KIAA1549L: variants seen among roughly 807,000 people sequenced by gnomAD.
KIAA1549L encodes UPF0606 protein KIAA1549L.
KIAA1549L carries 88 observed loss-of-function variants against 160.7 expected under a neutral mutation model. The ratio of observed to expected loss-of-function variants is 0.55; its 90% CI spans 0.46 to 0.65. KIAA1549L has a LOEUF of 0.65. KIAA1549L is among the 30% of genes least tolerant of loss of function. The probability of loss-of-function intolerance (pLI) is 0.00; values close to 1 mark genes in which losing one functional copy is unlikely to be tolerated. For synonymous variants in KIAA1549L, 950 were observed against 976.7 expected (o/e 0.97, Z 0.51); for missense variants, 2,258 against 2,437.5 (o/e 0.93, Z 1.55).
At chr11:33,386,360 T>C (rs1850172536) in intron 1 of KIAA1549L, among the ~76,000 whole-genome samples, 1 of 152,198 alleles carries the variant, frequency 6.6e-6, no homozygotes, top group Non-Finnish European at 1.5e-5. Context: ...TATCTTTAGT[T>C]TGTAAAAAGA....
At chr11:33,535,664 C>G (rs949909648) in intron 1 of KIAA1549L, among the ~76,000 whole-genome samples, 1 of 151,902 alleles carries the variant, frequency 6.6e-6, no homozygotes, top group Non-Finnish European at 1.5e-5. Context: ...AGAGTGAGAC[C>G]CTGTCCCCCC....
chr11:33,548,817 C>T (rs569413572), intron 4 of KIAA1549L, among the ~76,000 whole-genome samples: 3 of 152,220 alleles, frequency 2.0e-5, no homozygotes, highest in Non-Finnish European at 4.4e-5. Context: ...ATTGCTGTGG[C>T]TTCTTCTTTT....
intron 1 of KIAA1549L, among the ~76,000 whole-genome samples, chr11:33,435,394 A>G (rs1851332259): frequency 6.6e-6 from 1 of 152,174 alleles, no homozygotes; most frequent in African/African-American, 2.4e-5. Context: ...AAGTGGGGCT[A>G]TAATTGAGAC....
rs115479068 is a variant in KIAA1549L, at chr11:33,492,091, T to G, written c.239-49711T>G. The stretch of plus-strand genomic sequence containing the variant: ...CATACATGCAAAATTTTGCTGCCAG[T>G]TGCGATGGCTCATGCCTGTAATCCC... On this transcript the variant is annotated intron_variant, in intron 1 of 20. Transcript: ENST00000658780. 2.4e-3 allele frequency among the ~76,000 whole-genome samples: 372 copies of G among 152,214 alleles called. 4 individuals are homozygous for G. The South Asian group carries it at 0.025, about 10-fold the overall frequency.
Position 33,609,951 on chromosome 11 carries a change from C to G in KIAA1549L, c.5264C>G (p.Thr1755Ser). Residue 1755 changes from threonine to serine, a missense_variant, in exon 15 of 21, where the codon ACC (threonine) becomes AGC (serine). Around this residue, in one of 6 missense-constraint regions of KIAA1549L, gnomAD observed 1,359 missense variants for 1,546.6 expected, o/e 0.88. Transcript: ENST00000658780. ...GATTCAGAACTCTGTGCTCCATTCA[C>G]CGAGTCTAAAAACAGGTGCAGTCTC... ...DPDSELCAPF[T>S]ESKNRQQMKN... 1 of 1,613,774 alleles carries G rather than the reference C, an allele frequency of 6.2e-7. No homozygotes were observed. The highest frequency in any genetic ancestry group is 8.5e-7 in the Non-Finnish European group (1 of 1,179,764).
chr11:33,436,951 G>A (rs563294310), intron 1 of KIAA1549L, among the ~76,000 whole-genome samples: 2 of 152,332 alleles, frequency 1.3e-5, no homozygotes, highest in South Asian at 4.1e-4. Flanking sequence ...CAGCACCAAC[G>A]TGGGGTGTTC....
At chr11:33,521,408 C>T (rs924603610) in intron 1 of KIAA1549L, among the ~76,000 whole-genome samples, 3 of 152,142 alleles carry the variant, frequency 2.0e-5, no homozygotes, top group Admixed American at 6.5e-5. Flanking sequence ...GCATCTGCAT[C>T]GGTAAAATGA....
intron 16 of KIAA1549L, among the ~76,000 whole-genome samples, chr11:33,643,370 A>G (rs190365700): frequency 6.6e-6 from 1 of 152,214 alleles, no homozygotes; most frequent in African/African-American, 2.4e-5. Context: ...CTCTTGGGGC[A>G]GTGGGAATAG....
At chr11:33,595,196 A>G (rs1280863736) in intron 12 of KIAA1549L, among the ~76,000 whole-genome samples, 4 of 152,180 alleles carry the variant, frequency 2.6e-5, no homozygotes, top group Non-Finnish European at 5.9e-5. Flanking sequence ...ATGATAACAC[A>G]TATATTCCTG....
intron 17 of KIAA1549L, among the ~76,000 whole-genome samples, chr11:33,652,054 G>C (rs946141273): frequency 6.6e-6 from 1 of 150,768 alleles, no homozygotes; most frequent in Admixed American, 6.6e-5. Flanking sequence ...ACTGCCTTCA[G>C]TCCTGAGTCT....
At chr11:33,654,139 A>AT (rs1460843212) in intron 17 of KIAA1549L, among the ~76,000 whole-genome samples, 4 of 150,974 alleles carry the variant, frequency 2.6e-5, no homozygotes, top group Non-Finnish European at 5.9e-5. Context: ...CGCCCAGCTA[A>AT]TTTTTTGTAT....
chr11:33,640,642 C>G (rs772128105), intron 16 of KIAA1549L, among the ~76,000 whole-genome samples: 8 of 152,198 alleles, frequency 5.3e-5, no homozygotes, highest in Admixed American at 2.0e-4. Flanking sequence ...TAGAAAACAT[C>G]TGGAAGGATG....
intron 1 of KIAA1549L, among the ~76,000 whole-genome samples, chr11:33,447,224 C>T (rs1356063462): frequency 6.7e-6 from 1 of 149,266 alleles, no homozygotes; most frequent in Non-Finnish European, 1.5e-5. Flanking sequence ...ACATAGCACA[C>T]CCTGAACGCT....
chr11:33,629,653 A>G (rs1007791698), intron 16 of KIAA1549L, among the ~76,000 whole-genome samples: 1 of 151,408 alleles, frequency 6.6e-6, no homozygotes, highest in Non-Finnish European at 1.5e-5. Context: ...TCCTTTAAGC[A>G]CTTCTCTGTA....
rs1278752838 is a variant in KIAA1549L at position 33,559,982 on chromosome 11, T to C, written c.4018+71T>C. ...CCTTTCTCCATTTAGCAAACATTTA[T>C]AGTGCCAGGCCACATACTACCACCT... On this transcript the variant is annotated intron_variant, in intron 7 of 20. Transcript: ENST00000658780. 5 of 1,393,578 alleles carry C rather than the reference T, an allele frequency of 3.6e-6. No homozygotes were observed. In the African/African-American group the frequency reaches 6.8e-5, roughly 19 times the overall value. The allele number at this position is 1,393,578 out of a possible 1,614,324, so 86.3% of individuals were successfully genotyped here. A position where few individuals can be genotyped will look rare whatever the true frequency, so the allele number is the denominator to read the frequency against.
Position 33,572,193 on chromosome 11 carries a change from C to T in KIAA1549L, c.4231-2509C>T, listed in dbSNP as rs1033432430. Among the ~76,000 whole-genome samples the T allele has an allele frequency of 5.3e-5, 8 of 152,114 alleles. No homozygotes were observed. The East Asian group carries it at 5.8e-4, about 11-fold the overall frequency. On this transcript the variant is annotated intron_variant, in intron 9 of 20. Coordinates refer to ENST00000658780, the MANE Select transcript of KIAA1549L (RefSeq NM_012194.3). The stretch of plus-strand genomic sequence containing the variant: ...CTGGGAGTACAGGTGTGTGCCACCA[C>T]GCCCAGCTAATTTTTGTATTTTTAG...
At chr11:33,382,737 CA>C (rs1282403692) in intron 1 of KIAA1549L, among the ~76,000 whole-genome samples, 1 of 152,150 alleles carries the variant, frequency 6.6e-6, no homozygotes, top group African/African-American at 2.4e-5. Flanking sequence ...CCTCCCATCT[CA>C]TCCTTCCCAT....
chr11:33,474,247 A>G (rs1415167273), intron 1 of KIAA1549L, among the ~76,000 whole-genome samples: 1 of 152,180 alleles, frequency 6.6e-6, no homozygotes, highest in Non-Finnish European at 1.5e-5. Context: ...CAAACACCCA[A>G]ACTATATCAG....
At chr11:33,597,990 G>A (rs1333952281) in intron 12 of KIAA1549L, among the ~76,000 whole-genome samples, 1 of 152,180 alleles carries the variant, frequency 6.6e-6, no homozygotes, top group Non-Finnish European at 1.5e-5. Context: ...AAAGCACGCA[G>A]TAAAGTCCTT....
Sources: gnomAD v4.1 joint callset for allele counts (sites outside exome capture counted in the v4.1 genomes callset) on GRCh38, gnomAD v4.1.1 for gene constraint, gnomAD v4.1.1 regional missense constraint, MANE v1.5 for transcripts, NCBI Gene and HGNC (gene_info 2026-07-23, HGNC 2026-07-21) for gene names.